The following TULP3 variants were observed in gnomAD, a reference collection of about 807,000 sequenced individuals.
TULP3 encodes the protein tubby-related protein 3.
In TULP3, 38 loss-of-function variants were observed where a neutral mutation model predicts 50.7. The observed-to-expected ratio is 0.75, with a 90% CI of 0.58 to 0.98. The LOEUF (loss-of-function observed/expected upper bound fraction) is 0.98, where lower values mean the gene tolerates loss of function less well. TULP3 is among the 50% of genes least tolerant of loss of function. The probability of loss-of-function intolerance (pLI) is 0.00; values close to 1 mark genes in which losing one functional copy is unlikely to be tolerated. For synonymous variants in TULP3, 183 were observed against 196.6 expected, an observed-to-expected ratio of 0.93 and a Z score of 0.58; for missense variants, 550 against 568.0, an observed-to-expected ratio of 0.97 and a Z score of 0.32.
rs375917840 is a variant in TULP3, at chr12:2,918,835, C to T, written c.94-1928C>T. ...GATTACAGGCATGAGCCACTGTGCCCGGCCAGCAAGTTACTTTTTATCCAT... is the reference window on the plus strand; with the variant it reads ...GATTACAGGCATGAGCCACTGTGCCTGGCCAGCAAGTTACTTTTTATCCAT... On this transcript the variant is annotated intron_variant, in intron 2 of 10. Transcript: ENST00000448120. Among the ~76,000 whole-genome samples the T allele has an allele frequency of 2.0e-4, 31 of 152,106 alleles. No homozygotes were observed. The South Asian group carries it at 5.0e-3, about 24-fold the overall frequency.
At chr12:2,905,861 C>A (rs2098181891) in intron 1 of TULP3, among the ~76,000 whole-genome samples, 1 of 151,366 alleles carries the variant, frequency 6.6e-6, no homozygotes, top group African/African-American at 2.4e-5. Context: ...GATTTGTTTT[C>A]CCCCATGCCA....
rs754095168 is a variant in TULP3, at chr12:2,890,930, G to C, written c.-18G>C. On this transcript the variant is annotated 5_prime_UTR_variant, in exon 1 of 11. Coordinates refer to ENST00000448120, the MANE Select transcript of TULP3 (RefSeq NM_003324.5). ...GGGGAAGAGTGTGTACGTGGTGGGGGCTTCCTCGGTGGCGGGCATGGAGGC... is the reference window on the plus strand; with the variant it reads ...GGGGAAGAGTGTGTACGTGGTGGGGCCTTCCTCGGTGGCGGGCATGGAGGC... 4 of 1,593,130 alleles carry C rather than the reference G, an allele frequency of 2.5e-6. No individual in the cohort carries two copies. Among genetic ancestry groups the C allele is most frequent in the South Asian group, 1.1e-5 (1 of 88,070 alleles).
chr12:2,918,650 C>T (rs942496973), intron 2 of TULP3, among the ~76,000 whole-genome samples: 2 of 152,070 alleles, frequency 1.3e-5, no homozygotes, highest in African/African-American at 2.4e-5. Flanking sequence ...AAGCGATTCT[C>T]CCGCCTCAGC....
In TULP3 at chr12:2,940,435, C is replaced by G. The variant is rs2098204032; in HGVS notation, c.*991C>G. On this transcript the variant is annotated 3_prime_UTR_variant, in exon 11 of 11. Transcript: ENST00000448120. ...GGACTTTCTTCTCGGCTCCCTCAAC[C>G]CTGGCTCAGGCACAGAAGGTGTTTT... 1 of 1,475,510 alleles carries G rather than the reference C, an allele frequency of 6.8e-7. No individual in the cohort carries two copies. The allele number at this position is 1,475,510 out of a possible 1,614,324, so 91.4% of individuals were successfully genotyped here. A position where few individuals can be genotyped will look rare whatever the true frequency, so the allele number is the denominator to read the frequency against.
intron 1 of TULP3, among the ~76,000 whole-genome samples, chr12:2,893,513 GTTTCTCCA>G (rs2098173543): frequency 6.6e-6 from 1 of 151,848 alleles, no homozygotes; most frequent in Admixed American, 6.6e-5. Flanking sequence ...TAGAGAGGGG[GTTTCTCCA>G]TGTTGGTCAG....
intron 5 of TULP3, 120 bp from the exon 6 acceptor site, chr12:2,930,917 C>T: frequency 9.3e-7 from 1 of 1,073,830 alleles, no homozygotes; most frequent in Non-Finnish European, 1.4e-6. Flanking sequence ...TTTCCTCATT[C>T]TGTCAGAAGA....
intron 10 of TULP3, 60 bp downstream of exon 10, chr12:2,938,345 A>AT: frequency 6.4e-7 from 1 of 1,551,088 alleles, no homozygotes; most frequent in Non-Finnish European, 8.8e-7. Context: ...CAGGATGGGA[A>AT]TGCACATTCC....
At chr12:2,908,397 T>C (rs545421927) in intron 1 of TULP3, among the ~76,000 whole-genome samples, 2 of 151,348 alleles carry the variant, frequency 1.3e-5, no homozygotes, top group African/African-American at 4.9e-5. Flanking sequence ...TAGGAAATTG[T>C]CAAAAATAGA....
Position 2,940,894 on chromosome 12 carries a change from C to T in TULP3, c.*1450C>T. ...ACCTCGTCACCACCACCACCCCCCA[C>T]CCCATCCTGAGGCACTGCCTGGCAG... On this transcript the variant is annotated 3_prime_UTR_variant, in exon 11 of 11. Coordinates refer to ENST00000448120, the MANE Select transcript of TULP3 (RefSeq NM_003324.5). The T allele has an allele frequency of 1.6e-6, 1 of 630,694 alleles. No individual in the cohort carries two copies. 39.1% of individuals were successfully genotyped at this position (630,694 alleles called of 1,614,324 possible). A position where few individuals can be genotyped will look rare whatever the true frequency, so the allele number is the denominator to read the frequency against.
Position 2,934,490 on chromosome 12 carries a change from A to AT in TULP3, c.854dup (p.Cys286LeufsTer24). On this transcript the variant is annotated frameshift_variant, in exon 8 of 11. Transcript: ENST00000448120. LOFTEE classifies it high-confidence loss of function. Reference sequence around the variant, plus strand: ...CAAGTTTACAGTTTATGACCGTGGCATCTGCCCCATGAAGGGCCGGGGTTT... The same window carrying AT: ...CAAGTTTACAGTTTATGACCGTGGCATTCTGCCCCATGAAGGGCCGGGGTTT... 2 of 1,605,242 alleles carry AT rather than the reference A, an allele frequency of 1.2e-6. No homozygotes were observed. Among genetic ancestry groups the AT allele is most frequent in the Non-Finnish European group, 1.7e-6 (2 of 1,176,260 alleles).
intron 2 of TULP3, among the ~76,000 whole-genome samples, chr12:2,918,392 G>A (rs1478560549): frequency 6.6e-6 from 1 of 150,412 alleles, no homozygotes; most frequent in Non-Finnish European, 1.5e-5. Context: ...GATTACAGGC[G>A]TGAGCCACCG....
At chr12:2,921,775 C>T (rs181801825) in intron 3 of TULP3, among the ~76,000 whole-genome samples, 1 of 152,130 alleles carries the variant, frequency 6.6e-6, no homozygotes, top group African/African-American at 2.4e-5. Flanking sequence ...ACTTTAGTAA[C>T]AGAGCATGTT....
At chr12:2,934,264 T>C (rs1452529296) in intron 7 of TULP3, among the ~76,000 whole-genome samples, 183 bp from the exon 8 acceptor site, 1 of 152,096 alleles carries the variant, frequency 6.6e-6, no homozygotes, top group Non-Finnish European at 1.5e-5. Context: ...AGTAAGTAAA[T>C]AAAAAGTTAA....
intron 2 of TULP3, among the ~76,000 whole-genome samples, chr12:2,912,423 C>T (rs1307776213): frequency 1.3e-5 from 2 of 152,186 alleles, no homozygotes; most frequent in East Asian, 1.9e-4. Flanking sequence ...CCAAGGGATA[C>T]AGTGCACACC....
rs747555221 is a variant in TULP3, at chr12:2,920,877, C to T, written c.208C>T (p.Pro70Ser). The T allele has an allele frequency of 3.1e-6, 5 of 1,614,134 alleles. No individual in the cohort carries two copies. The highest frequency in any genetic ancestry group is 4.2e-6 in the Non-Finnish European group (5 of 1,180,024). Residue 70 changes from proline to serine, a missense_variant, in exon 3 of 11, where the codon CCC becomes TCC. Transcript: ENST00000448120. ...AKPRASDEQT[P>S]LVNCHTPHSN... Reference sequence around the variant, plus strand: ...GCCAAGGGCCAGTGATGAGCAGACTCCCTTGGTGAACTGTCATACTCCCCA... The same window carrying T: ...GCCAAGGGCCAGTGATGAGCAGACTTCCTTGGTGAACTGTCATACTCCCCA...
intron 4 of TULP3, among the ~76,000 whole-genome samples, chr12:2,925,741 A>T (rs80161336): frequency 0.027 from 4,152 of 152,294 alleles, 83 homozygotes; most frequent in Non-Finnish European, 0.04. Context: ...GAGCAAAAAT[A>T]ATTTTCTATT....
chr12:2,907,819 A>G (rs1344333279), intron 1 of TULP3, among the ~76,000 whole-genome samples: 3 of 152,140 alleles, frequency 2.0e-5, no homozygotes. Flanking sequence ...GAAACATAGG[A>G]ACATATGTAG....
At chr12:2,930,103 C>G in intron 4 of TULP3, 145 bp from the exon 5 acceptor site, 1 of 589,504 alleles carries the variant, frequency 1.7e-6, no homozygotes. Flanking sequence ...ATGAATTTGC[C>G]TGTTTTATGT....
intron 4 of TULP3, among the ~76,000 whole-genome samples, chr12:2,923,542 T>A (rs1282304724): frequency 6.6e-6 from 1 of 151,266 alleles, no homozygotes; most frequent in African/African-American, 2.4e-5. Flanking sequence ...TCCCAGCTAC[T>A]CTGGAGGCTG....
Sources: allele counts gnomAD v4.1 joint callset (sites outside exome capture counted in the v4.1 genomes callset), GRCh38; gene constraint gnomAD v4.1.1; transcripts MANE v1.5; gene names NCBI Gene and HGNC (gene_info 2026-07-23, HGNC 2026-07-21).